Variants in SEMA3A observed in about 807,000 individuals in gnomAD.
SEMA3A encodes semaphorin-3A.
SEMA3A carries 29 observed loss-of-function variants against 97.9 expected under a neutral mutation model. The ratio of observed to expected loss-of-function variants is 0.30; its 90% confidence interval spans 0.22 to 0.40. SEMA3A has a LOEUF of 0.40. Ranked by LOEUF, SEMA3A falls within the 10% of genes least tolerant of loss-of-function variation. The probability of loss-of-function intolerance (pLI) is 1.00; values close to 1 mark genes in which losing one functional copy is unlikely to be tolerated. For missense variants in SEMA3A, 763 were observed against 951.3 expected (o/e 0.80, Z 2.60); for synonymous variants, 321 against 323.7 (o/e 0.99, Z 0.09).
intron 4 of SEMA3A, among the ~76,000 whole-genome samples, chr7:84,102,611 T>TTTTTA (rs1242202592): frequency 1.7e-5 from 2 of 118,690 alleles, no homozygotes; most frequent in East Asian, 5.0e-4. Flanking sequence ...TTTTTTTTTT[T>TTTTTA]AACAGAGTCT....
intron 3 of SEMA3A, among the ~76,000 whole-genome samples, chr7:84,231,277 C>T (rs1373373258): frequency 6.6e-6 from 1 of 151,850 alleles, no homozygotes; most frequent in East Asian, 1.9e-4. Flanking sequence ...AGCACAGTGA[C>T]TGGATCATAG....
At chr7:84,258,519 G>A (rs1228373507) in intron 3 of SEMA3A, among the ~76,000 whole-genome samples, 2 of 151,212 alleles carry the variant, frequency 1.3e-5, no homozygotes, top group Non-Finnish European at 2.9e-5. Context: ...ATCCTTGTGG[G>A]AAAAAAAATG....
chr7:84,117,127 G>A (rs996317640), intron 3 of SEMA3A, among the ~76,000 whole-genome samples: 13 of 151,824 alleles, frequency 8.6e-5, no homozygotes, highest in South Asian at 2.1e-4. Context: ...TTCAAATATC[G>A]TCCATATATC....
chr7:84,095,075 T>C (rs1213013164), intron 4 of SEMA3A, among the ~76,000 whole-genome samples: 5 of 149,672 alleles, frequency 3.3e-5, no homozygotes, highest in African/African-American at 1.2e-4. Flanking sequence ...ATATAGGTAA[T>C]TTATTTATAA....
At chr7:83,980,592 A>G (rs2116315903) in intron 14 of SEMA3A, among the ~76,000 whole-genome samples, 1 of 120,170 alleles carries the variant, frequency 8.3e-6, no homozygotes, top group South Asian at 2.8e-4. Flanking sequence ...TGACAGAGTG[A>G]GACTCCATCT....
At chr7:84,395,639 T>G (rs1456097802) in intron 1 of SEMA3A, among the ~76,000 whole-genome samples, 1 of 151,964 alleles carries the variant, frequency 6.6e-6, no homozygotes, top group Non-Finnish European at 1.5e-5. Context: ...CATGCTCTTC[T>G]CAAGATAGTG....
chr7:84,290,018 A>T (rs562823066), intron 3 of SEMA3A, among the ~76,000 whole-genome samples: 1 of 152,254 alleles, frequency 6.6e-6, no homozygotes, highest in Admixed American at 6.6e-5. Context: ...AAAGAACAGA[A>T]ATTATATAAT....
chr7:84,024,252 C>A (rs1791456522), intron 6 of SEMA3A, among the ~76,000 whole-genome samples: 1 of 151,746 alleles, frequency 6.6e-6, no homozygotes, highest in Admixed American at 6.6e-5. Context: ...TCAAAAATAA[C>A]AACTTGGCTG....
intron 2 of SEMA3A, among the ~76,000 whole-genome samples, chr7:84,340,417 T>C (rs1479919453): frequency 6.6e-6 from 1 of 152,164 alleles, no homozygotes; most frequent in Non-Finnish European, 1.5e-5. Context: ...ATAAATACTT[T>C]GGAAATATTT....
At chr7:84,387,837 A>G (rs1007866448) in intron 1 of SEMA3A, among the ~76,000 whole-genome samples, 1 of 152,200 alleles carries the variant, frequency 6.6e-6, no homozygotes, top group African/African-American at 2.4e-5. Context: ...ATCAACAGAA[A>G]GAAAGCTCAC....
chr7:84,067,123 C>T (rs763261720), intron 4 of SEMA3A, among the ~76,000 whole-genome samples: 2 of 152,132 alleles, frequency 1.3e-5, no homozygotes, highest in Non-Finnish European at 2.9e-5. Flanking sequence ...CGCTGCATAT[C>T]TACAAGTATC....
rs879355112 is a variant in SEMA3A, at chr7:84,223,672, T to C, written c.-82-29004A>G. Reference sequence around the variant, plus strand: ...AAACAGGCTCTGAGGAGGAATACTTTATATGTATTTGAAAAACTAAGGCTT... The same window carrying C: ...AAACAGGCTCTGAGGAGGAATACTTCATATGTATTTGAAAAACTAAGGCTT... On this transcript the variant is annotated intron_variant, in intron 3 of 3. Transcript: ENST00000424555. Among the ~76,000 whole-genome samples, 7 of 151,840 alleles carry C rather than the reference T, an allele frequency of 4.6e-5. No individual in the cohort carries two copies. In the East Asian group the frequency reaches 5.8e-4, roughly 13 times the overall value.
chr7:84,248,304 A>AT (rs1003011526), intron 3 of SEMA3A, among the ~76,000 whole-genome samples: 7 of 152,144 alleles, frequency 4.6e-5, no homozygotes, highest in Non-Finnish European at 1.0e-4. Context: ...ATTAAAATGG[A>AT]TTTTTTTAAG....
chr7:84,224,532 T>C (rs1798946645), intron 3 of SEMA3A, among the ~76,000 whole-genome samples: 1 of 152,040 alleles, frequency 6.6e-6, no homozygotes, highest in African/African-American at 2.4e-5. Flanking sequence ...TCATGATGAA[T>C]GAGTATTGAC....
At chr7:84,004,756 T>C (rs992640157) in intron 11 of SEMA3A, among the ~76,000 whole-genome samples, 9 of 152,198 alleles carry the variant, frequency 5.9e-5, no homozygotes, top group Non-Finnish European at 1.3e-4. Flanking sequence ...TCAGAAAAGA[T>C]AATAAATTTG....
chr7:84,472,606 A>G (rs1473638094), intron 1 of SEMA3A, among the ~76,000 whole-genome samples: 1 of 152,172 alleles, frequency 6.6e-6, no homozygotes, highest in Non-Finnish European at 1.5e-5. Flanking sequence ...GTCAAATTTC[A>G]AAACACCTTT....
chr7:84,141,500 T>C (rs1796290135), intron 1 of SEMA3A, among the ~76,000 whole-genome samples: 1 of 152,210 alleles, frequency 6.6e-6, no homozygotes, highest in Non-Finnish European at 1.5e-5. Context: ...TTTACTTGTA[T>C]AGACTTTTCT....
upstream of SEMA3A, among the ~76,000 whole-genome samples, chr7:84,199,977 C>T (rs142686653): frequency 3.6e-3 from 547 of 152,114 alleles, 4 homozygotes; most frequent in African/African-American, 0.013. Flanking sequence ...CATGTGAAAG[C>T]ATGAGTTGAG....
intron 12 of SEMA3A, among the ~76,000 whole-genome samples, chr7:83,994,991 G>A (rs1052503312): frequency 9.9e-5 from 15 of 152,064 alleles, no homozygotes; most frequent in African/African-American, 2.7e-4. Context: ...AGGACCCTCC[G>A]AGCCATGTGC....
Sources: gnomAD v4.1 joint callset for allele counts (sites outside exome capture counted in the v4.1 genomes callset) on GRCh38, gnomAD v4.1.1 for gene constraint, MANE v1.5 for transcripts, NCBI Gene and HGNC (gene_info 2026-07-23, HGNC 2026-07-21) for gene names.